CCNH: variants seen among roughly 807,000 people sequenced by gnomAD.
CCNH encodes the protein cyclin H, also known as cyclin-H.
CCNH carries 31 observed loss-of-function variants against 41.9 expected under a neutral mutation model. The observed-to-expected ratio is 0.74, with a 90% CI of 0.56 to 1.00. CCNH has a LOEUF of 1.00. CCNH is among the 50% of genes least tolerant of loss of function. CCNH has a pLI of 0.00. For synonymous variants in CCNH, 138 were observed against 136.1 expected, an observed-to-expected ratio of 1.01 and a Z score of -0.10; for missense variants, 362 against 388.4, an observed-to-expected ratio of 0.93 and a Z score of 0.57.
At chr5:87,366,790 G>A (rs1344042724) in intron 9 of CCNH, among the ~76,000 whole-genome samples, 1 of 152,162 alleles carries the variant, frequency 6.6e-6, no homozygotes, top group Non-Finnish European at 1.5e-5. Context: ...CCAGCACTTC[G>A]GGAGCCCAAG....
chr5:87,363,468 G>A, intron 9 of CCNH: 2 of 1,612,522 alleles, frequency 1.2e-6, no homozygotes, highest in South Asian at 1.1e-5. Context: ...CTCAGTGTAT[G>A]TTCTGTCTAT....
At chr5:87,329,999 A>T (rs1757494846) in intron 9 of CCNH, among the ~76,000 whole-genome samples, 1 of 152,126 alleles carries the variant, frequency 6.6e-6, no homozygotes, top group African/African-American at 2.4e-5. Flanking sequence ...CTGAACTAAG[A>T]TTAGGATTTT....
chr5:87,343,089 T>C (rs1310056027), intron 9 of CCNH, among the ~76,000 whole-genome samples: 2 of 152,192 alleles, frequency 1.3e-5, no homozygotes, highest in Non-Finnish European at 2.9e-5. Context: ...AATTTCCTAA[T>C]ATAGGGACTG....
At chr5:87,402,525 C>T (rs1263329855) in intron 5 of CCNH, among the ~76,000 whole-genome samples, 1 of 151,888 alleles carries the variant, frequency 6.6e-6, no homozygotes, top group African/African-American at 2.4e-5. Context: ...TTTTCAAACA[C>T]AAATGCAAAA....
At chr5:87,388,502 A>G (rs1340584851), downstream of CCNH, among the ~76,000 whole-genome samples, 3 of 152,286 alleles carry the variant, frequency 2.0e-5, no homozygotes, top group East Asian at 5.8e-4. Context: ...GGATTTTTGG[A>G]TTGGGGATGC....
intron 9 of CCNH, chr5:87,331,253 G>C: frequency 7.9e-7 from 1 of 1,259,718 alleles, no homozygotes; most frequent in Non-Finnish European, 1.2e-6. Context: ...GTTACATGTA[G>C]GCATTTAAAA....
chr5:87,379,622 A>T, upstream of CCNH: 2 of 1,418,538 alleles, frequency 1.4e-6, no homozygotes, highest in Admixed American at 4.7e-5. Context: ...ATCAATACAC[A>T]CAGAGATACC....
intron 9 of CCNH, among the ~76,000 whole-genome samples, chr5:87,367,189 A>C (rs1472969999): frequency 6.6e-6 from 1 of 152,234 alleles, no homozygotes; most frequent in African/African-American, 2.4e-5. Context: ...AGTACATTTC[A>C]AGGAAATGAG....
chr5:87,373,286 G>A (rs1454056155), downstream of CCNH, among the ~76,000 whole-genome samples: 1 of 152,084 alleles, frequency 6.6e-6, no homozygotes, highest in South Asian at 2.1e-4. Flanking sequence ...TAACAACTAT[G>A]TACATAGCAT....
At chr5:87,361,992 G>T (rs1165882778) in intron 9 of CCNH, among the ~76,000 whole-genome samples, 1 of 152,120 alleles carries the variant, frequency 6.6e-6, no homozygotes, top group African/African-American at 2.4e-5. Context: ...TGAAATCATG[G>T]TTATAACACC....
upstream of CCNH, among the ~76,000 whole-genome samples, chr5:87,380,126 T>C (rs1190809500): frequency 6.6e-6 from 1 of 152,128 alleles, no homozygotes; most frequent in Non-Finnish European, 1.5e-5. Flanking sequence ...GTAAAAGATA[T>C]CTTGTCTATC....
At chr5:87,395,560 G>A (rs1433946798) in intron 7 of CCNH, among the ~76,000 whole-genome samples, 1 of 152,136 alleles carries the variant, frequency 6.6e-6, no homozygotes, top group African/African-American at 2.4e-5. Flanking sequence ...AAGTAACTAG[G>A]AAAACATGAA....
chr5:87,313,498 A>G (rs1228330914), downstream of CCNH, among the ~76,000 whole-genome samples: 1 of 152,210 alleles, frequency 6.6e-6, no homozygotes, highest in African/African-American at 2.4e-5. Context: ...GAATTTCCAC[A>G]TAGGCAGGAC....
chr5:87,396,966 G>T (rs1336885878), intron 7 of CCNH, among the ~76,000 whole-genome samples: 1 of 152,174 alleles, frequency 6.6e-6, no homozygotes, highest in Non-Finnish European at 1.5e-5. Context: ...GGGAACTTTG[G>T]TTTCACTTGT....
intron 1 of CCNH, 176 bp downstream of exon 1, chr5:87,412,502 C>T: frequency 7.0e-7 from 1 of 1,427,458 alleles, no homozygotes; most frequent in Non-Finnish European, 9.2e-7. Context: ...TGGCGTTGTT[C>T]GTCTTTGTAC....
intron 9 of CCNH, among the ~76,000 whole-genome samples, chr5:87,339,521 T>G (rs1580302884): frequency 6.6e-6 from 1 of 152,282 alleles, no homozygotes; most frequent in East Asian, 1.9e-4. Flanking sequence ...CCTGATTACT[T>G]CAAGAAATTG....
At chr5:87,371,178 A>AT (rs906050539) in intron 9 of CCNH, among the ~76,000 whole-genome samples, 1 of 152,050 alleles carries the variant, frequency 6.6e-6, no homozygotes, top group Non-Finnish European at 1.5e-5. Flanking sequence ...AACATAGAAC[A>AT]TTTTTTAATG....
chr5:87,326,562 G>C (rs985074074), intron 9 of CCNH, among the ~76,000 whole-genome samples: 2 of 152,140 alleles, frequency 1.3e-5, no homozygotes, highest in Admixed American at 6.5e-5. Flanking sequence ...AAGAAGAAGA[G>C]AGAGGGAGAT....
At chr5:87,378,684 T>C (rs1237272102), upstream of CCNH, 8 of 879,526 alleles carry the variant, frequency 9.1e-6, no homozygotes, top group African/African-American at 1.0e-4. Flanking sequence ...AATACATTTA[T>C]AAAAATGTTC....
Sources: gnomAD v4.1 joint callset for allele counts (sites outside exome capture counted in the v4.1 genomes callset) on GRCh38, gnomAD v4.1.1 for gene constraint, MANE v1.5 for transcripts, NCBI Gene and HGNC (gene_info 2026-07-23, HGNC 2026-07-21) for gene names.